The following LMCD1 variants were observed in gnomAD, a reference collection of about 807,000 sequenced individuals.
The protein encoded by LMCD1 is LIM and cysteine-rich domains protein 1.
Under a neutral mutation model 42.7 loss-of-function variants are expected in LMCD1, and 32 were observed. The observed-to-expected ratio is 0.75, with a 90% confidence interval of 0.57 to 1.01. LMCD1 has a LOEUF of 1.01. Among genes scored for constraint, LMCD1 ranks in the 50% least tolerant of loss-of-function variants. LMCD1 has a pLI of 0.00. For missense variants in LMCD1, 458 were observed against 483.1 expected, an observed-to-expected ratio of 0.95 and a Z score of 0.49; for synonymous variants, 178 against 184.9, an observed-to-expected ratio of 0.96 and a Z score of 0.30.
chr3:8,511,125 G>A (rs1324407277), intron 1 of LMCD1, among the ~76,000 whole-genome samples: 1 of 152,112 alleles, frequency 6.6e-6, no homozygotes, highest in African/African-American at 2.4e-5. Flanking sequence ...CAATAAAAGG[G>A]GCCTAAAAGT....
chr3:8,570,961 T>G lies in LMCD1; in HGVS notation c.*3363T>G, dbSNP rs1463344020. ...TTTTTGCCTGCAATTCCCCACACTG[T>G]GTTTAATTGCTGCCTCTGCTGGGGG... is the stretch of plus-strand genomic sequence containing the variant. On this transcript the variant is annotated 3_prime_UTR_variant, in exon 6 of 6. Coordinates refer to ENST00000157600, the MANE Select transcript of LMCD1 (RefSeq NM_014583.4). 6.6e-6 allele frequency: 1 copy of G among 152,174 alleles called. No homozygotes were observed. The highest frequency in any genetic ancestry group is 2.4e-5 in the African/African-American group (1 of 41,428). 9.4% of individuals were successfully genotyped at this position (152,174 alleles called of 1,614,324 possible). A position where few individuals can be genotyped will look rare whatever the true frequency, so the allele number is the denominator to read the frequency against.
At chr3:8,540,177 C>A (rs548980497) in intron 3 of LMCD1, among the ~76,000 whole-genome samples, 1 of 152,140 alleles carries the variant, frequency 6.6e-6, no homozygotes, top group Non-Finnish European at 1.5e-5. Context: ...TGGGAATTGA[C>A]CAACTTTTTT....
Position 8,565,299 on chromosome 3 carries a change from CTG to C in LMCD1, c.724-132_724-131del, listed in dbSNP as rs570978576. 3.4e-4 allele frequency: 247 copies of C among 719,306 alleles called. 1 individual carries two copies. In the South Asian group the frequency reaches 3.7e-3, roughly 11 times the overall value. 44.6% of individuals were successfully genotyped at this position (719,306 alleles called of 1,614,324 possible). A position where few individuals can be genotyped will look rare whatever the true frequency, so the allele number is the denominator to read the frequency against. Reference sequence around the variant, plus strand: ...TTGTGTCGCTTTGCAGATGACAAAACTGAGGCACGAAGAGGTATAGTGACTTG... The same window carrying C: ...TTGTGTCGCTTTGCAGATGACAAAACAGGCACGAAGAGGTATAGTGACTTG... On this transcript the variant is annotated intron_variant, in intron 4 of 5. Transcript: ENST00000157600.
At chr3:8,563,682 T>C (rs1469768000) in intron 4 of LMCD1, among the ~76,000 whole-genome samples, 2 of 152,222 alleles carry the variant, frequency 1.3e-5, no homozygotes, top group Non-Finnish European at 2.9e-5. Flanking sequence ...GAGCACTCTT[T>C]AGACATGGAG....
intron 1 of LMCD1, among the ~76,000 whole-genome samples, chr3:8,511,072 A>G (rs1215896879): frequency 6.6e-6 from 1 of 152,154 alleles, no homozygotes; most frequent in East Asian, 1.9e-4. Flanking sequence ...ATTTCCTATT[A>G]CCTCGAACAA....
At chr3:8,510,944 A>G (rs1693984292) in intron 1 of LMCD1, among the ~76,000 whole-genome samples, 1 of 152,222 alleles carries the variant, frequency 6.6e-6, no homozygotes, top group African/African-American at 2.4e-5. Flanking sequence ...CCACACACAC[A>G]CAAATATACA....
chr3:8,534,715 T>C (rs10510392), intron 2 of LMCD1, among the ~76,000 whole-genome samples: 14,216 of 152,224 alleles, frequency 0.093, 752 homozygotes, highest in South Asian at 0.2. Flanking sequence ...CAGTCCCAGA[T>C]TACCAATGAC....
rs555087757 is a variant in LMCD1 at position 8,559,350 on chromosome 3, A to G, written c.724-6082A>G. On this transcript the variant is annotated intron_variant, in intron 4 of 5. Transcript: ENST00000157600. Reference sequence around the variant, plus strand: ...TGCAAGGTGGGCAGAGTTAAGGAATACACGAGATTTTAGCAAATCATTATT... The same window carrying G: ...TGCAAGGTGGGCAGAGTTAAGGAATGCACGAGATTTTAGCAAATCATTATT... Among the ~76,000 whole-genome samples the G allele has an allele frequency of 4.8e-5, 7 of 146,580 alleles. No homozygotes were observed. The South Asian group carries it at 1.3e-3, about 27-fold the overall frequency.
chr3:8,525,869 A>C (rs1180322115), intron 1 of LMCD1, among the ~76,000 whole-genome samples: 2 of 152,206 alleles, frequency 1.3e-5, no homozygotes, highest in Non-Finnish European at 2.9e-5. Flanking sequence ...GATTGTGGCA[A>C]AATTTGCCTG....
chr3:8,565,812 A>G (rs1340537696), intron 5 of LMCD1, among the ~76,000 whole-genome samples, 165 bp downstream of exon 5: 6 of 152,246 alleles, frequency 3.9e-5, no homozygotes, highest in African/African-American at 1.4e-4. Flanking sequence ...CTCATCTGCA[A>G]AATGAGGCAG....
chr3:8,508,812 C>T (rs1183460301), intron 1 of LMCD1, among the ~76,000 whole-genome samples: 1 of 152,134 alleles, frequency 6.6e-6, no homozygotes, highest in Non-Finnish European at 1.5e-5. Context: ...CTGTCACTTC[C>T]ACCCCCAGAG....
At chr3:8,563,494 C>CCT (rs1355073607) in intron 4 of LMCD1, among the ~76,000 whole-genome samples, 1 of 152,218 alleles carries the variant, frequency 6.6e-6, no homozygotes, top group Non-Finnish European at 1.5e-5. Context: ...AACCAAGCAG[C>CCT]CTCTCTCTGC....
chr3:8,537,542 G>A, intron 3 of LMCD1, 102 bp downstream of exon 3: 1 of 1,333,686 alleles, frequency 7.5e-7, no homozygotes, highest in Non-Finnish European at 1.0e-6. Flanking sequence ...AAGAGCTCAA[G>A]GTCACAAAAA....
intron 4 of LMCD1, among the ~76,000 whole-genome samples, chr3:8,559,895 C>G (rs566763695): frequency 6.6e-6 from 1 of 152,220 alleles, no homozygotes; most frequent in Non-Finnish European, 1.5e-5. Context: ...AAGGGGCTGG[C>G]TACTGGTAGA....
At chr3:8,563,519 C>T (rs960900135) in intron 4 of LMCD1, among the ~76,000 whole-genome samples, 5 of 152,186 alleles carry the variant, frequency 3.3e-5, no homozygotes, top group African/African-American at 4.8e-5. Flanking sequence ...TGCAGCTAGC[C>T]GCTTAGTGGA....
At chr3:8,559,218 T>C (rs966262127) in intron 4 of LMCD1, among the ~76,000 whole-genome samples, 1 of 152,182 alleles carries the variant, frequency 6.6e-6, no homozygotes, top group Non-Finnish European at 1.5e-5. Flanking sequence ...CTAGTCTACA[T>C]GCCCTTGGTA....
intron 1 of LMCD1, among the ~76,000 whole-genome samples, chr3:8,505,598 G>A (rs1693863302): frequency 6.6e-6 from 1 of 152,256 alleles, no homozygotes; most frequent in Admixed American, 6.5e-5. Context: ...CCTGTTCATA[G>A]TTGACTGTGC....
At chr3:8,510,730 C>T (rs1693978873) in intron 1 of LMCD1, among the ~76,000 whole-genome samples, 1 of 152,160 alleles carries the variant, frequency 6.6e-6, no homozygotes, top group African/African-American at 2.4e-5. Flanking sequence ...TATTCATTAA[C>T]TTAGTAAAGG....
intron 1 of LMCD1, chr3:8,514,835 A>G (rs542720546): frequency 2.9e-5 from 12 of 419,842 alleles, no homozygotes; most frequent in African/African-American, 6.1e-5. Flanking sequence ...CAGAATAGCA[A>G]CCACCTTTAT....
Sources: gnomAD v4.1 joint callset for allele counts (sites outside exome capture counted in the v4.1 genomes callset) on GRCh38, gnomAD v4.1.1 for gene constraint, MANE v1.5 for transcripts, NCBI Gene and HGNC (gene_info 2026-07-23, HGNC 2026-07-21) for gene names.